Variants in DNAJC3 observed in about 807,000 individuals in gnomAD.
DNAJC3 encodes the protein dnaJ homolog subfamily C member 3.
Under a neutral mutation model 68.6 loss-of-function variants are expected in DNAJC3, and 38 were observed. The observed-to-expected ratio is 0.55, with a 90% confidence interval of 0.43 to 0.73. The LOEUF (loss-of-function observed/expected upper bound fraction) is 0.73. DNAJC3 is among the 30% of genes least tolerant of loss of function. The pLI, the probability that DNAJC3 is intolerant of heterozygous loss-of-function variation, is 0.00. For synonymous variants in DNAJC3, 203 were observed against 204.0 expected (o/e 1.00, Z 0.04); for missense variants, 526 against 591.9 (o/e 0.89, Z 1.16).
At chr13:95,688,070 C>T (rs1210017406) in intron 1 of DNAJC3, among the ~76,000 whole-genome samples, 1 of 152,140 alleles carries the variant, frequency 6.6e-6, no homozygotes, top group Non-Finnish European at 1.5e-5. Flanking sequence ...ATTGATTTGG[C>T]TCTCAGCTTG....
intron 5 of DNAJC3, among the ~76,000 whole-genome samples, chr13:95,759,268 G>A (rs569754619): frequency 6.6e-5 from 10 of 152,096 alleles, no homozygotes; most frequent in African/African-American, 2.4e-4. Flanking sequence ...CTTGATATGA[G>A]GATTTACTTT....
intron 4 of DNAJC3, among the ~76,000 whole-genome samples, chr13:95,726,445 A>T (rs549195832): frequency 6.6e-6 from 1 of 151,902 alleles, no homozygotes; most frequent in African/African-American, 2.4e-5. Context: ...GCATTTTTTC[A>T]TGTGTTTTTT....
chr13:95,681,963 C>G (rs1055031947), intron 1 of DNAJC3, among the ~76,000 whole-genome samples: 4 of 152,206 alleles, frequency 2.6e-5, no homozygotes, highest in African/African-American at 9.6e-5. Flanking sequence ...TTAAATGTCT[C>G]TATTCCCAGA....
intron 4 of DNAJC3, among the ~76,000 whole-genome samples, chr13:95,733,891 C>A (rs1397917920): frequency 6.6e-6 from 1 of 151,940 alleles, no homozygotes; most frequent in Middle Eastern, 3.2e-3. Context: ...TAGTTAGATC[C>A]ATTTTTTAAA....
chr13:95,750,508 A>G (rs1324144823), intron 4 of DNAJC3, among the ~76,000 whole-genome samples: 1 of 150,712 alleles, frequency 6.6e-6, no homozygotes, highest in Non-Finnish European at 1.5e-5. Flanking sequence ...TTATATAATT[A>G]TTCAATTTTT....
intron 2 of DNAJC3, 88 bp downstream of exon 2, chr13:95,709,425 C>G: frequency 2.2e-6 from 2 of 903,452 alleles, no homozygotes; most frequent in East Asian, 6.2e-5. Flanking sequence ...TTAAAATAAA[C>G]ATTATTTCAT....
intron 4 of DNAJC3, among the ~76,000 whole-genome samples, chr13:95,757,248 T>TA (rs1159925187): frequency 6.6e-6 from 1 of 152,148 alleles, no homozygotes; most frequent in Non-Finnish European, 1.5e-5. Flanking sequence ...ATTTTATACT[T>TA]AAAAAAATAC....
At chr13:95,699,662 TG>T (rs1267265032) in intron 1 of DNAJC3, among the ~76,000 whole-genome samples, 2 of 152,212 alleles carry the variant, frequency 1.3e-5, no homozygotes, top group Non-Finnish European at 2.9e-5. Flanking sequence ...TTGGGCAGAA[TG>T]GTTAACTACC....
chr13:95,688,927 G>GGTTTGTGTGTGT (rs762986419), intron 1 of DNAJC3, among the ~76,000 whole-genome samples: 50 of 129,752 alleles, frequency 3.9e-4, no homozygotes, highest in African/African-American at 1.5e-3. Context: ...TGATTGTGTG[G>GGTTTGTGTGTGT]GTGTGTGTGT....
At chr13:95,733,625 C>T (rs1255276319) in intron 4 of DNAJC3, among the ~76,000 whole-genome samples, 1 of 151,460 alleles carries the variant, frequency 6.6e-6, no homozygotes, top group Non-Finnish European at 1.5e-5. Flanking sequence ...GTCTCAAACT[C>T]CTGATCTCAG....
intron 1 of DNAJC3, among the ~76,000 whole-genome samples, chr13:95,679,416 C>A (rs1464524980): frequency 6.6e-6 from 1 of 151,948 alleles, no homozygotes; most frequent in Non-Finnish European, 1.5e-5. Flanking sequence ...ACTTGAGAAC[C>A]ACTGGTGTAA....
Position 95,760,772 on chromosome 13 carries a change from A to G in DNAJC3, c.822A>G (p.Ser274=), listed in dbSNP as rs768399221. Residue 274 remains serine (S), a synonymous_variant, in exon 7 of 12, where the codon TCA becomes TCG. Transcript: ENST00000602402. Reference sequence around the variant, plus strand: ...AGAAACTTAATAAGCTGATTGAGTCAGCTGAAGAGCTCATCAGAGATGGCA... The same window carrying G: ...AGAAACTTAATAAGCTGATTGAGTCGGCTGAAGAGCTCATCAGAGATGGCA... ...QVKKLNKLIE[S]AEELIRDGRY... 27 of 1,612,420 alleles carry G rather than the reference A, an allele frequency of 1.7e-5. No homozygotes were observed. Among genetic ancestry groups the G allele is most frequent in the Non-Finnish European group, 2.3e-5 (27 of 1,179,192 alleles).
intron 1 of DNAJC3, among the ~76,000 whole-genome samples, chr13:95,691,416 G>A (rs530202490): frequency 2.6e-5 from 4 of 151,562 alleles, no homozygotes; most frequent in African/African-American, 7.3e-5. Flanking sequence ...CATCCCGGAC[G>A]GGGCGGCAGG....
intron 1 of DNAJC3, among the ~76,000 whole-genome samples, chr13:95,685,903 T>A (rs1020943781): frequency 2.7e-4 from 41 of 152,190 alleles, no homozygotes; most frequent in African/African-American, 9.7e-4. Flanking sequence ...TGAACATTTT[T>A]TCATGTTTGT....
intron 7 of DNAJC3, among the ~76,000 whole-genome samples, chr13:95,761,061 T>C (rs537656001): frequency 5.3e-5 from 8 of 152,240 alleles, no homozygotes; most frequent in Admixed American, 1.3e-4. Flanking sequence ...GGCTGAGCTA[T>C]GTACTGAGGG....
chr13:95,699,137 G>A (rs1211759403), intron 1 of DNAJC3, among the ~76,000 whole-genome samples: 1 of 152,166 alleles, frequency 6.6e-6, no homozygotes, highest in Non-Finnish European at 1.5e-5. Context: ...GGCAAGTTCT[G>A]TTATGGAAAT....
intron 1 of DNAJC3, among the ~76,000 whole-genome samples, chr13:95,683,781 A>C (rs139566716): frequency 0.016 from 2,488 of 151,922 alleles, 76 homozygotes; most frequent in African/African-American, 0.055. Flanking sequence ...AAAAAAAAAA[A>C]AACTTAGCCT....
intron 1 of DNAJC3, among the ~76,000 whole-genome samples, chr13:95,684,269 GCC>G (rs1880010106): frequency 6.6e-6 from 1 of 152,140 alleles, no homozygotes; most frequent in Middle Eastern, 3.2e-3. Context: ...TGGAGTAAAG[GCC>G]ACTCTTGCTA....
chr13:95,700,080 G>T (rs1186604801), intron 1 of DNAJC3, among the ~76,000 whole-genome samples: 1 of 152,064 alleles, frequency 6.6e-6, no homozygotes, highest in African/African-American at 2.4e-5. Flanking sequence ...CTCCCAAAGT[G>T]CTGGGATAAT....
Sources: allele counts gnomAD v4.1 joint callset (sites outside exome capture counted in the v4.1 genomes callset), GRCh38; gene constraint gnomAD v4.1.1; transcripts MANE v1.5; gene names NCBI Gene and HGNC (gene_info 2026-07-23, HGNC 2026-07-21).